TTC3: variants seen among roughly 807,000 people sequenced by gnomAD.
TTC3 encodes the protein E3 ubiquitin-protein ligase TTC3.
A neutral mutation model predicts 249.6 loss-of-function variants in TTC3; 180 were observed. The ratio of observed to expected loss-of-function variants is 0.72; its 90% CI spans 0.64 to 0.82. The LOEUF (loss-of-function observed/expected upper bound fraction) is 0.82. Ranked by LOEUF, TTC3 falls within the 40% of genes least tolerant of loss-of-function variation. The pLI is 0.00. For synonymous variants in TTC3, 717 were observed against 805.0 expected (o/e 0.89, Z 1.85); for missense variants, 2,061 against 2,398.4 (o/e 0.86, Z 2.94).
intron 24 of TTC3, 68 bp from the exon 25 acceptor site, chr21:37,150,748 GTTAC>G (rs901005520): frequency 2.1e-6 from 2 of 961,710 alleles, no homozygotes; most frequent in African/African-American, 3.2e-5. Context: ...TGAAATACTT[GTTAC>G]TTGTGGTTTT....
chr21:37,142,802 A>G (rs1397804654), intron 20 of TTC3, among the ~76,000 whole-genome samples: 2 of 152,250 alleles, frequency 1.3e-5, no homozygotes, highest in Admixed American at 6.5e-5. Flanking sequence ...ATCCTAAGCC[A>G]AAAGAATAAA....
At chr21:37,076,210 C>T (rs2070840101) in intron 1 of TTC3, among the ~76,000 whole-genome samples, 3 of 152,130 alleles carry the variant, frequency 2.0e-5, no homozygotes, top group Admixed American at 2.0e-4. Context: ...TTTCCTGGGA[C>T]TTGCTTATTT....
At chr21:37,095,134 AAT>A (rs765987598) in intron 8 of TTC3, among the ~76,000 whole-genome samples, 49 of 67,152 alleles carry the variant, frequency 7.3e-4, no homozygotes, top group Non-Finnish European at 1.1e-3. Flanking sequence ...TGTCTCTAAA[AAT>A]ATGTGTGTGT....
At chr21:37,146,536 C>T (rs1367899188) in intron 21 of TTC3, among the ~76,000 whole-genome samples, 1 of 151,806 alleles carries the variant, frequency 6.6e-6, no homozygotes, top group Non-Finnish European at 1.5e-5. Context: ...AAAAAGAGTA[C>T]TGATAACATG....
chr21:37,143,424 T>C (rs1256270884), intron 20 of TTC3, among the ~76,000 whole-genome samples: 1 of 151,962 alleles, frequency 6.6e-6, no homozygotes, highest in East Asian at 1.9e-4. Context: ...CATCAAAAAG[T>C]GGGCAAAGGA....
chr21:37,116,773 T>C (rs1199615363), intron 11 of TTC3, among the ~76,000 whole-genome samples: 1 of 152,026 alleles, frequency 6.6e-6, no homozygotes, highest in Non-Finnish European at 1.5e-5. Context: ...CACCACTGCA[T>C]TCCAGCCTGG....
intron 11 of TTC3, among the ~76,000 whole-genome samples, chr21:37,114,115 G>A (rs1601533894): frequency 6.6e-6 from 1 of 152,266 alleles, no homozygotes; most frequent in Middle Eastern, 3.4e-3. Flanking sequence ...TACCATTCGG[G>A]ACATAGGCAT....
intron 22 of TTC3, among the ~76,000 whole-genome samples, chr21:37,148,250 C>A (rs759372505): frequency 2.0e-5 from 3 of 152,150 alleles, no homozygotes; most frequent in African/African-American, 4.8e-5. Context: ...TCATTGTGAT[C>A]ATTGAATTAG....
intron 35 of TTC3, among the ~76,000 whole-genome samples, chr21:37,173,756 C>T (rs970452938): frequency 7.2e-5 from 11 of 152,126 alleles, no homozygotes; most frequent in African/African-American, 2.7e-4. Context: ...ACTGTCATAA[C>T]ATTCCCCAGG....
At chr21:37,076,075 C>A (rs1226798575) in intron 1 of TTC3, among the ~76,000 whole-genome samples, 2 of 152,104 alleles carry the variant, frequency 1.3e-5, no homozygotes, top group African/African-American at 4.8e-5. Flanking sequence ...AGGTGACTAC[C>A]ATCCTGAATT....
At chr21:37,196,664 A>G (rs2148237789) in intron 42 of TTC3, among the ~76,000 whole-genome samples, 2 of 152,366 alleles carry the variant, frequency 1.3e-5, no homozygotes, top group Middle Eastern at 6.8e-3. Flanking sequence ...CTAGTGTTAT[A>G]GTATCAATAA....
chr21:37,183,688 T>C (rs568701029), intron 36 of TTC3, among the ~76,000 whole-genome samples: 2 of 152,264 alleles, frequency 1.3e-5, no homozygotes, highest in African/African-American at 4.8e-5. Flanking sequence ...ACTTTCTCTC[T>C]GTGTAGCCTC....
chr21:37,140,216 A>T (rs2078312256), intron 19 of TTC3, among the ~76,000 whole-genome samples: 6 of 152,142 alleles, frequency 3.9e-5, no homozygotes, highest in Admixed American at 2.6e-4. Context: ...TGGTGTGTTT[A>T]CACCATAATT....
At chr21:37,166,094 A>G in exon 33 of TTC3, 1 of 1,614,172 alleles carries the variant, frequency 6.2e-7, no homozygotes, top group Non-Finnish European at 8.5e-7. Context: ...AGTCTCCTGT[A>G]ATTCCCCCAA....
intron 35 of TTC3, among the ~76,000 whole-genome samples, chr21:37,180,763 A>T (rs2082688128): frequency 6.6e-6 from 1 of 151,912 alleles, no homozygotes; most frequent in Non-Finnish European, 1.5e-5. Context: ...AGTATAATAA[A>T]AAAAAATGGC....
exon 28 of TTC3, chr21:37,156,859 A>G (rs2080141840): frequency 6.2e-7 from 1 of 1,613,944 alleles, no homozygotes; most frequent in Admixed American, 1.7e-5. Flanking sequence ...CACAGAGACA[A>G]GTTCCCAGCA....
intron 38 of TTC3, among the ~76,000 whole-genome samples, 164 bp downstream of exon 38, chr21:37,187,309 C>T (rs554167094): frequency 1.3e-5 from 2 of 152,286 alleles, no homozygotes; most frequent in South Asian, 2.1e-4. Flanking sequence ...TTTTTCCTTG[C>T]CTATAGCCTT....
chr21:37,132,772 GGA>G lies in TTC3; in HGVS notation c.1443+9_1443+10del. 6.3e-7 allele frequency: 1 copy of G among 1,586,558 alleles called. No homozygotes were observed. The highest frequency in any genetic ancestry group is 2.3e-5 in the East Asian group (1 of 44,148). ...CTTCCAGAGCTGCACACCAGGTAATGGAGAAGCTTTTCCAATGGAAAAAGCAA... is the reference window on the plus strand; with the variant it reads ...CTTCCAGAGCTGCACACCAGGTAATGGAAGCTTTTCCAATGGAAAAAGCAA... On this transcript the variant is annotated splice_region_variant and intron_variant, in intron 17 of 45. Transcript: ENST00000355666.
chr21:37,183,436 C>T (rs1187520560), intron 36 of TTC3, among the ~76,000 whole-genome samples: 3 of 152,200 alleles, frequency 2.0e-5, no homozygotes, highest in South Asian at 4.1e-4. Context: ...TCCCTAACCT[C>T]CCTCTGCTCT....
Sources: gnomAD v4.1 joint callset for allele counts (sites outside exome capture counted in the v4.1 genomes callset) on GRCh38, gnomAD v4.1.1 for gene constraint, MANE v1.5 for transcripts, NCBI Gene and HGNC (gene_info 2026-07-23, HGNC 2026-07-21) for gene names.